BBX: variants seen among roughly 807,000 people sequenced by gnomAD.
The protein encoded by BBX is BBX high mobility group box domain containing.
BBX carries 30 observed loss-of-function variants against 100.2 expected under a neutral mutation model. The ratio of observed to expected loss-of-function variants is 0.30; its 90% CI spans 0.22 to 0.41. The LOEUF (loss-of-function observed/expected upper bound fraction) is 0.41. BBX is among the 10% of genes least tolerant of loss of function. The pLI is 1.00. For missense variants in BBX, 1,023 were observed against 1,129.8 expected (o/e 0.91, Z 1.35); for synonymous variants, 376 against 388.1 (o/e 0.97, Z 0.37).
At chr3:107,753,981 G>A (rs1320409489) in intron 9 of BBX, among the ~76,000 whole-genome samples, 1 of 152,142 alleles carries the variant, frequency 6.6e-6, no homozygotes, top group Non-Finnish European at 1.5e-5. Context: ...GCCATTTATT[G>A]AGAGCATAAT....
rs2064769123 is a variant in BBX at position 107,748,047 on chromosome 3, C to G, written c.825+8C>G. On this transcript the variant is annotated splice_region_variant and intron_variant, in intron 9 of 17. Transcript: ENST00000325805. ...TTGTTTCAGTTTGCAGAGGTATGGC[C>G]TTTTTAAAATGCTTTTTAGGCTAAG... The G allele has an allele frequency of 6.2e-7, 1 of 1,609,062 alleles. No individual in the cohort carries two copies. Among genetic ancestry groups the G allele is most frequent in the African/African-American group, 1.3e-5 (1 of 74,680 alleles).
chr3:107,581,671 G>A (rs1056950484), intron 2 of BBX, among the ~76,000 whole-genome samples: 4 of 152,054 alleles, frequency 2.6e-5, no homozygotes, highest in African/African-American at 9.7e-5. Context: ...ATACTCCGTC[G>A]TTAGTGTCCT....
chr3:107,615,313 G>A (rs1167915546), intron 2 of BBX, among the ~76,000 whole-genome samples: 1 of 152,158 alleles, frequency 6.6e-6, no homozygotes, highest in African/African-American at 2.4e-5. Flanking sequence ...TAATACTGAC[G>A]TCCTAAGTCC....
intron 6 of BBX, among the ~76,000 whole-genome samples, chr3:107,729,514 C>T (rs2063176375): frequency 6.6e-6 from 1 of 152,128 alleles, no homozygotes; most frequent in Non-Finnish European, 1.5e-5. Context: ...CCAGATGGTG[C>T]CATTTGTTAT....
intron 12 of BBX, among the ~76,000 whole-genome samples, chr3:107,777,405 C>G (rs2067410783): frequency 6.6e-6 from 1 of 152,142 alleles, no homozygotes; most frequent in Non-Finnish European, 1.5e-5. Flanking sequence ...TAGGACACCC[C>G]TTAGCTAGCA....
intron 7 of BBX, among the ~76,000 whole-genome samples, chr3:107,740,359 C>G (rs978765439): frequency 6.6e-6 from 1 of 151,906 alleles, no homozygotes. Flanking sequence ...TGTTTCTGAC[C>G]CCTTTCCCTC....
intron 8 of BBX, among the ~76,000 whole-genome samples, chr3:107,746,195 C>A (rs2107619183): frequency 6.6e-6 from 1 of 151,964 alleles, no homozygotes; most frequent in Admixed American, 6.6e-5. Flanking sequence ...GTGTATTTCC[C>A]CTTATATAAA....
chr3:107,654,509 A>G (rs1365303249), intron 3 of BBX, among the ~76,000 whole-genome samples: 1 of 152,064 alleles, frequency 6.6e-6, no homozygotes, highest in Non-Finnish European at 1.5e-5. Context: ...CTGAAAAAAT[A>G]TTTTAGAACT....
chr3:107,737,893 T>TG (rs1311621459), intron 7 of BBX, among the ~76,000 whole-genome samples: 2 of 133,360 alleles, frequency 1.5e-5, no homozygotes, highest in African/African-American at 5.4e-5. Flanking sequence ...AGTTTTTTTT[T>TG]TTTTTTTTTT....
intron 2 of BBX, among the ~76,000 whole-genome samples, chr3:107,548,985 T>C (rs889458902): frequency 3.3e-5 from 5 of 152,122 alleles, no homozygotes; most frequent in African/African-American, 1.2e-4. Flanking sequence ...CCCTGGGGAC[T>C]ATTAGATGGG....
At chr3:107,603,767 G>T (rs956979587) in intron 2 of BBX, among the ~76,000 whole-genome samples, 2 of 152,086 alleles carry the variant, frequency 1.3e-5, no homozygotes, top group African/African-American at 4.8e-5. Context: ...CAACATGGAG[G>T]CAAGACCCCT....
chr3:107,706,431 A>G (rs1461641367), intron 3 of BBX, among the ~76,000 whole-genome samples: 3 of 152,124 alleles, frequency 2.0e-5, no homozygotes, highest in African/African-American at 7.2e-5. Context: ...GTCCTGCCAT[A>G]CACAGAAAGG....
At chr3:107,606,777 T>G (rs2054476600) in intron 2 of BBX, among the ~76,000 whole-genome samples, 2 of 152,326 alleles carry the variant, frequency 1.3e-5, no homozygotes, top group South Asian at 2.1e-4. Flanking sequence ...CCTCAAGTCT[T>G]TATCCTTTGT....
At chr3:107,703,798 CTTGTA>C (rs1488410722) in intron 3 of BBX, among the ~76,000 whole-genome samples, 1 of 152,124 alleles carries the variant, frequency 6.6e-6, no homozygotes, top group African/African-American at 2.4e-5. Flanking sequence ...ATGATTAGCA[CTTGTA>C]GGGCTTTTAT....
intron 2 of BBX, among the ~76,000 whole-genome samples, chr3:107,577,334 C>T (rs2051868088): frequency 6.6e-6 from 1 of 151,780 alleles, no homozygotes; most frequent in African/African-American, 2.4e-5. Flanking sequence ...TATGATTCAC[C>T]CAGCTAAGAA....
intron 3 of BBX, among the ~76,000 whole-genome samples, chr3:107,663,591 T>C (rs1482006938): frequency 6.6e-6 from 1 of 152,082 alleles, no homozygotes; most frequent in East Asian, 1.9e-4. Flanking sequence ...TACATTAAAT[T>C]TTGCCTGTTT....
In BBX at chr3:107,763,338, C is replaced by T. The variant is rs546250764; in HGVS notation, c.906+7660C>T. On this transcript the variant is annotated intron_variant, in intron 10 of 17. Coordinates refer to ENST00000325805, the MANE Select transcript of BBX (RefSeq NM_001142568.3). The stretch of plus-strand genomic sequence containing the variant: ...CTCCCGGGTTCACGCCACTCTCCTG[C>T]CTCAGCCTCCCTTACTTTTTATCTA... 4.6e-5 allele frequency among the ~76,000 whole-genome samples: 7 copies of T among 152,120 alleles called. No individual in the cohort carries two copies. The East Asian group carries it at 1.4e-3, about 29-fold the overall frequency.
intron 4 of BBX, among the ~76,000 whole-genome samples, chr3:107,713,537 G>A (rs570293484): frequency 6.6e-6 from 1 of 152,080 alleles, no homozygotes; most frequent in Non-Finnish European, 1.5e-5. Context: ...GTTTTTATTT[G>A]TATTTTGTTA....
chr3:107,757,811 A>C (rs191367200), intron 10 of BBX, among the ~76,000 whole-genome samples: 178 of 152,360 alleles, frequency 1.2e-3, no homozygotes, highest in Non-Finnish European at 1.6e-3. Flanking sequence ...AATAAATATA[A>C]GAAGATATTG....
Sources: gnomAD v4.1 joint callset for allele counts (sites outside exome capture counted in the v4.1 genomes callset) on GRCh38, gnomAD v4.1.1 for gene constraint, MANE v1.5 for transcripts, NCBI Gene and HGNC (gene_info 2026-07-23, HGNC 2026-07-21) for gene names.